CLNK: variants seen among roughly 807,000 people sequenced by gnomAD.
The protein encoded by CLNK is cytokine-dependent hematopoietic cell linker.
In CLNK, 74 loss-of-function variants were observed where a neutral mutation model predicts 68.6. That is an observed-to-expected ratio of 1.08 (90% CI 0.89 to 1.31). The LOEUF (loss-of-function observed/expected upper bound fraction) is 1.31. CLNK is among the 50% of genes most tolerant of loss of function. The pLI, the probability that CLNK is intolerant of heterozygous loss-of-function variation, is 0.00. For synonymous variants in CLNK, 198 were observed against 172.2 expected, an observed-to-expected ratio of 1.15 and a Z score of -1.17; for missense variants, 553 against 515.3, an observed-to-expected ratio of 1.07 and a Z score of -0.71.
intron 2 of CLNK, among the ~76,000 whole-genome samples, chr4:10,653,898 G>C (rs114779444): frequency 6.6e-6 from 1 of 152,090 alleles, no homozygotes; most frequent in African/African-American, 2.4e-5. Flanking sequence ...AAAATATCTA[G>C]CAACAAAAAT....
intron 4 of CLNK, among the ~76,000 whole-genome samples, chr4:10,582,765 G>A (rs1287716737): frequency 6.6e-6 from 1 of 151,986 alleles, no homozygotes; most frequent in Non-Finnish European, 1.5e-5. Flanking sequence ...ACACAGATAT[G>A]CAAAAAAGAA....
chr4:10,683,432 A>G (rs1432533575), intron 1 of CLNK, among the ~76,000 whole-genome samples: 1 of 152,196 alleles, frequency 6.6e-6, no homozygotes, highest in African/African-American at 2.4e-5. Context: ...ACCACCCAGG[A>G]GTGAGTTTAG....
At chr4:10,565,141 T>C (rs1720054204) in intron 6 of CLNK, among the ~76,000 whole-genome samples, 1 of 152,212 alleles carries the variant, frequency 6.6e-6, no homozygotes. Context: ...GCATATTCTA[T>C]CACATTCATC....
At position 10,587,992 on chromosome 4, in the gene CLNK, G is replaced by A. The variant is rs1328640250; in HGVS notation, c.84-3037C>T. Among the ~76,000 whole-genome samples, 6 of 152,198 alleles carry A rather than the reference G, an allele frequency of 3.9e-5. No individual in the cohort carries two copies. In the East Asian group the frequency reaches 1.2e-3, roughly 29 times the overall value. On this transcript the variant is annotated intron_variant, in intron 3 of 18. Coordinates refer to ENST00000226951, the MANE Select transcript of CLNK (RefSeq NM_052964.4). ...GGAGCAAATCATTTATCGACGGCCT[G>A]AGTGCTCTCTCTTGACACTTTAGAC...
chr4:10,680,100 A>G (rs1725035533), intron 1 of CLNK, among the ~76,000 whole-genome samples: 1 of 152,120 alleles, frequency 6.6e-6, no homozygotes, highest in Admixed American at 6.6e-5. Flanking sequence ...CACAATAACA[A>G]AGACTCGGAA....
chr4:10,590,676 T>G (rs758531909), intron 3 of CLNK, among the ~76,000 whole-genome samples: 6 of 152,222 alleles, frequency 3.9e-5, no homozygotes, highest in South Asian at 4.1e-4. Context: ...TAGAATAAGA[T>G]TCTCTGATTT....
chr4:10,558,537 C>T (rs1577128575), intron 7 of CLNK, 85 bp from the exon 8 acceptor site: 1 of 1,331,976 alleles, frequency 7.5e-7, no homozygotes, highest in Non-Finnish European at 1.1e-6. Context: ...TGGTTAGGTT[C>T]CCAAGGATAA....
intron 2 of CLNK, among the ~76,000 whole-genome samples, chr4:10,610,033 G>GTTTTTTTTTTTTTTTTT (rs71181047): frequency 2.7e-5 from 2 of 73,430 alleles, no homozygotes; most frequent in African/African-American, 6.5e-5. Flanking sequence ...ATGAATGCTC[G>GTTTTTTTTTTTTTTTTT]TTTTTTTTTT....
intron 4 of CLNK, among the ~76,000 whole-genome samples, chr4:10,572,869 C>A (rs1720403306): frequency 6.6e-6 from 1 of 152,092 alleles, no homozygotes; most frequent in Admixed American, 6.5e-5. Context: ...TGTTCTGTCA[C>A]CCAGGCTGGA....
chr4:10,506,781 C>T (rs1254348465), intron 17 of CLNK, among the ~76,000 whole-genome samples: 1 of 152,170 alleles, frequency 6.6e-6, no homozygotes, highest in Non-Finnish European at 1.5e-5. Context: ...ATGACCAAGC[C>T]TCAGGCCTGA....
intron 2 of CLNK, among the ~76,000 whole-genome samples, chr4:10,610,053 T>G (rs1721949279): frequency 8.5e-6 from 1 of 117,696 alleles, no homozygotes; most frequent in Non-Finnish European, 1.7e-5. Flanking sequence ...TTTTTTTTTT[T>G]TTTTTTTTTT....
chr4:10,581,968 C>T (rs531134682), intron 4 of CLNK, among the ~76,000 whole-genome samples: 7 of 152,224 alleles, frequency 4.6e-5, no homozygotes, highest in African/African-American at 1.7e-4. Context: ...AGTAGGGATT[C>T]CCTGGCCTTA....
chr4:10,679,412 C>G (rs576387511), intron 1 of CLNK, among the ~76,000 whole-genome samples: 2 of 152,092 alleles, frequency 1.3e-5, no homozygotes, highest in Non-Finnish European at 2.9e-5. Flanking sequence ...CCATAAAAAC[C>G]CTAGAAGAAA....
intron 12 of CLNK, chr4:10,531,282 G>T (rs1718527508): frequency 6.6e-6 from 1 of 152,328 alleles, no homozygotes; most frequent in South Asian, 2.1e-4. Flanking sequence ...CCCTTGGAAG[G>T]CTCTACTATA....
intron 16 of CLNK, among the ~76,000 whole-genome samples, chr4:10,508,523 C>T (rs547877361): frequency 2.0e-5 from 3 of 152,302 alleles, no homozygotes; most frequent in Non-Finnish European, 2.9e-5. Flanking sequence ...AGCTTTCTCC[C>T]TGGGCCGCAC....
chr4:10,523,556 A>G (rs566510545), intron 14 of CLNK, among the ~76,000 whole-genome samples: 1 of 152,302 alleles, frequency 6.6e-6, no homozygotes, highest in South Asian at 2.1e-4. Context: ...AGCAGCAGCC[A>G]GTTAAGAGAG....
intron 15 of CLNK, among the ~76,000 whole-genome samples, chr4:10,515,770 G>GCAT (rs1717810265): frequency 6.6e-6 from 1 of 152,152 alleles, no homozygotes; most frequent in Non-Finnish European, 1.5e-5. Context: ...TTACATAATA[G>GCAT]CATATATCAA....
intron 16 of CLNK, 30 bp downstream of exon 16, chr4:10,513,434 G>A: frequency 1.3e-6 from 2 of 1,599,418 alleles, no homozygotes; most frequent in Non-Finnish European, 1.7e-6. Flanking sequence ...AGTACATCTA[G>A]AAGGACTTGG....
At chr4:10,544,626 G>A (rs895313211) in intron 8 of CLNK, among the ~76,000 whole-genome samples, 1 of 152,190 alleles carries the variant, frequency 6.6e-6, no homozygotes, top group African/African-American at 2.4e-5. Context: ...AGGACAGCGA[G>A]GGAGCATGTC....
Sources: gnomAD v4.1 joint callset for allele counts (sites outside exome capture counted in the v4.1 genomes callset) on GRCh38, gnomAD v4.1.1 for gene constraint, MANE v1.5 for transcripts, NCBI Gene and HGNC (gene_info 2026-07-23, HGNC 2026-07-21) for gene names.